Variants in TMEM132C observed in about 807,000 individuals in gnomAD.
TMEM132C encodes protein phosphatase 1, regulatory subunit 152.
TMEM132C carries 29 observed loss-of-function variants against 61.4 expected under a neutral mutation model. The ratio of observed to expected loss-of-function variants is 0.47; its 90% CI spans 0.35 to 0.64. TMEM132C has a LOEUF of 0.64. Among genes scored for constraint, TMEM132C ranks in the 30% least tolerant of loss-of-function variants. The pLI, the probability that TMEM132C is intolerant of heterozygous loss-of-function variation, is 0.00. For synonymous variants in TMEM132C, 656 were observed against 633.1 expected (o/e 1.04, Z -0.54); for missense variants, 1,408 against 1,476.9 (o/e 0.95, Z 0.76).
At chr12:128,607,346 C>A (rs996742036) in intron 3 of TMEM132C, among the ~76,000 whole-genome samples, 4 of 152,180 alleles carry the variant, frequency 2.6e-5, no homozygotes, top group Admixed American at 1.3e-4. Context: ...CTGGTGAGGA[C>A]TTCAGCTTAA....
chr12:128,628,095 C>G (rs1186593594), intron 4 of TMEM132C, among the ~76,000 whole-genome samples: 1 of 152,158 alleles, frequency 6.6e-6, no homozygotes, highest in African/African-American at 2.4e-5. Flanking sequence ...ATGCAGCAGT[C>G]TCCCCCCACC....
chr12:128,366,822 A>G (rs1046443408), intron 1 of TMEM132C, among the ~76,000 whole-genome samples: 2 of 152,208 alleles, frequency 1.3e-5, no homozygotes, highest in African/African-American at 2.4e-5. Context: ...GCAGAGTTAC[A>G]TACTAGGGAA....
chr12:128,484,628 G>T (rs1871425732), intron 2 of TMEM132C, among the ~76,000 whole-genome samples: 1 of 152,092 alleles, frequency 6.6e-6, no homozygotes, highest in Non-Finnish European at 1.5e-5. Context: ...CAGCTGTGGG[G>T]AAACATTCCT....
At chr12:128,547,875 A>G (rs1874014778) in intron 3 of TMEM132C, among the ~76,000 whole-genome samples, 1 of 152,152 alleles carries the variant, frequency 6.6e-6, no homozygotes. Flanking sequence ...AAAGGCACAA[A>G]CACCAAACAC....
At position 128,472,722 on chromosome 12, in the gene TMEM132C, C is replaced by G. The variant is rs575794320; in HGVS notation, c.974+57102C>G. ...CTCTGTGGCAAAGGACCTCAAACATCTGGGGGTCAGCTTCGGCCTGGATTT... is the reference window on the plus strand; with the variant it reads ...CTCTGTGGCAAAGGACCTCAAACATGTGGGGGTCAGCTTCGGCCTGGATTT... On this transcript the variant is annotated intron_variant, in intron 2 of 8. Coordinates refer to ENST00000435159, the MANE Select transcript of TMEM132C (RefSeq NM_001136103.3). Among the ~76,000 whole-genome samples the G allele has an allele frequency of 1.1e-4, 16 of 152,314 alleles. No individual in the cohort carries two copies. The South Asian group carries it at 3.3e-3, about 32-fold the overall frequency.
At chr12:128,549,301 C>T (rs541363061) in intron 3 of TMEM132C, among the ~76,000 whole-genome samples, 27 of 152,246 alleles carry the variant, frequency 1.8e-4, no homozygotes, top group African/African-American at 5.3e-4. Context: ...CCCAGGCCAA[C>T]GTGAGACACG....
At chr12:128,281,529 A>G (rs923380394) in intron 1 of TMEM132C, among the ~76,000 whole-genome samples, 4 of 152,068 alleles carry the variant, frequency 2.6e-5, no homozygotes, top group African/African-American at 4.8e-5. Flanking sequence ...CCTAATGTCT[A>G]TTTGTCTTTA....
At chr12:128,676,210 C>T (rs918244381) in intron 5 of TMEM132C, among the ~76,000 whole-genome samples, 3 of 152,044 alleles carry the variant, frequency 2.0e-5, no homozygotes, top group African/African-American at 7.3e-5. Flanking sequence ...TTAGCATTGC[C>T]CTGTCTTTTA....
At chr12:128,364,834 A>G (rs1040192382) in intron 1 of TMEM132C, among the ~76,000 whole-genome samples, 2 of 152,176 alleles carry the variant, frequency 1.3e-5, no homozygotes, top group East Asian at 1.9e-4. Flanking sequence ...ACAAAGAGCC[A>G]TGCCCAGCAT....
intron 1 of TMEM132C, among the ~76,000 whole-genome samples, chr12:128,273,567 A>G (rs1002327326): frequency 2.0e-5 from 3 of 152,046 alleles, no homozygotes; most frequent in African/African-American, 7.2e-5. Context: ...TTGTATTAAG[A>G]TCTACTATTT....
At chr12:128,601,735 G>GTGGCA (rs1375221125) in intron 3 of TMEM132C, among the ~76,000 whole-genome samples, 1 of 143,220 alleles carries the variant, frequency 7.0e-6, no homozygotes, top group African/African-American at 2.7e-5. Flanking sequence ...GTGCAGTGGC[G>GTGGCA]GTGGAGGGAC....
chr12:128,468,876 G>A (rs890419587), intron 2 of TMEM132C, among the ~76,000 whole-genome samples: 1 of 152,172 alleles, frequency 6.6e-6, no homozygotes, highest in Non-Finnish European at 1.5e-5. Flanking sequence ...AAAAAAATTA[G>A]TTTAAAATAT....
chr12:128,647,337 C>T (rs1308152349), intron 4 of TMEM132C, among the ~76,000 whole-genome samples: 2 of 150,294 alleles, frequency 1.3e-5, no homozygotes, highest in African/African-American at 4.9e-5. Flanking sequence ...AGTCCATCAG[C>T]GTTGGATGTG....
In TMEM132C at chr12:128,536,192, C is replaced by T. The variant is rs371534516; in HGVS notation, c.975-7765C>T. On this transcript the variant is annotated intron_variant, in intron 2 of 8. Transcript: ENST00000435159. ...TTAAGACAATATGACACATATATAC[C>T]ATGGAATACTATGCAGCCATTAGAA... Among the ~76,000 whole-genome samples, 22 of 152,280 alleles carry T rather than the reference C, an allele frequency of 1.4e-4. No homozygotes were observed. The East Asian group carries it at 4.1e-3, about 28-fold the overall frequency.
chr12:128,622,359 AAATATAT>A (rs1478380502), intron 4 of TMEM132C, among the ~76,000 whole-genome samples: 2 of 56,402 alleles, frequency 3.5e-5, no homozygotes, highest in African/African-American at 1.2e-4. Flanking sequence ...AAAAAAAAAA[AAATATAT>A]ATATATATAT....
chr12:128,412,491 C>T (rs960349422), intron 1 of TMEM132C, among the ~76,000 whole-genome samples: 2 of 152,146 alleles, frequency 1.3e-5, no homozygotes, highest in African/African-American at 4.8e-5. Context: ...CCACATGTTT[C>T]AAGGGCAGGA....
chr12:128,292,399 C>T (rs1871271533), intron 1 of TMEM132C, among the ~76,000 whole-genome samples: 1 of 152,180 alleles, frequency 6.6e-6, no homozygotes, highest in African/African-American at 2.4e-5. Flanking sequence ...ACTTCCTCAC[C>T]CAGCAGTTGT....
chr12:128,679,295 G>T (rs1041975059), intron 5 of TMEM132C, among the ~76,000 whole-genome samples: 2 of 152,202 alleles, frequency 1.3e-5, no homozygotes, highest in African/African-American at 4.8e-5. Context: ...CTTGCATTAG[G>T]CAGCTATTGC....
chr12:128,316,512 TGAAATCTTTGGTG>T (rs1239260433), intron 1 of TMEM132C, among the ~76,000 whole-genome samples: 1 of 152,162 alleles, frequency 6.6e-6, no homozygotes. Flanking sequence ...GGGCCCACTG[TGAAATCTTTGGTG>T]GAAACCAGGC....
Sources: allele counts gnomAD v4.1 joint callset (sites outside exome capture counted in the v4.1 genomes callset), GRCh38; gene constraint gnomAD v4.1.1; transcripts MANE v1.5; gene names NCBI Gene and HGNC (gene_info 2026-07-23, HGNC 2026-07-21).